The following TBCD variants were observed in gnomAD, a reference collection of about 807,000 sequenced individuals.
The protein encoded by TBCD is tubulin folding cofactor D, also known as tubulin-specific chaperone D.
TBCD carries 105 observed loss-of-function variants against 169.3 expected under a neutral mutation model. That is an observed-to-expected ratio of 0.62 (90% CI 0.53 to 0.73). The LOEUF (loss-of-function observed/expected upper bound fraction) is 0.73. TBCD is among the 30% of genes least tolerant of loss of function. The pLI is 0.00. For synonymous variants in TBCD, 700 were observed against 643.9 expected, an observed-to-expected ratio of 1.09 and a Z score of -1.32; for missense variants, 1,444 against 1,600.1, an observed-to-expected ratio of 0.90 and a Z score of 1.66.
intron 5 of TBCD, among the ~76,000 whole-genome samples, chr17:82,771,948 C>T (rs2048333627): frequency 6.6e-6 from 1 of 151,212 alleles, no homozygotes; most frequent in Non-Finnish European, 1.5e-5. Flanking sequence ...AAAACAAAAA[C>T]AAAAAATATA....
At position 82,937,252 on chromosome 17, in the gene TBCD, G is replaced by A; in HGVS notation, c.3192-19G>A. 1 of 1,612,550 alleles carries A rather than the reference G, an allele frequency of 6.2e-7. No individual in the cohort carries two copies. The highest frequency in any genetic ancestry group is 8.5e-7 in the Non-Finnish European group (1 of 1,178,532). The stretch of plus-strand genomic sequence containing the variant: ...CTGCCTGTGAAAGCTCATCTCTAAA[G>A]TGTGTGTTGTTCTTCCAGCCACCCC... On this transcript the variant is annotated intron_variant, in intron 34 of 38. Coordinates refer to ENST00000355528, the MANE Select transcript of TBCD (RefSeq NM_005993.5).
chr17:82,917,553 G>T (rs9899957), intron 23 of TBCD, among the ~76,000 whole-genome samples: 99,813 of 152,066 alleles, frequency 0.66, 33,619 homozygotes, highest in East Asian at 0.79. Flanking sequence ...AACAAGACAT[G>T]ACAGAAATGC....
intron 23 of TBCD, among the ~76,000 whole-genome samples, chr17:82,914,361 G>A (rs556582021): frequency 2.6e-5 from 4 of 152,288 alleles, no homozygotes; most frequent in East Asian, 3.9e-4. Flanking sequence ...TCTGGGGCAC[G>A]TGTGCTGTTG....
rs2062154308 is a variant in TBCD at position 82,930,996 on chromosome 17, C to T, written c.3113+353C>T. Among the ~76,000 whole-genome samples, 5 of 152,202 alleles carry T rather than the reference C, an allele frequency of 3.3e-5. No individual in the cohort carries two copies. Among genetic ancestry groups the T allele is most frequent in the Admixed American group, 3.3e-4 (5 of 15,284 alleles). The stretch of plus-strand genomic sequence containing the variant: ...GTGCTCCCACGGACGTGCTTGCGGA[C>T]GCTCATCAGCCACCCGGCAAGTGAG... On this transcript the variant is annotated intron_variant, in intron 33 of 38. Coordinates refer to ENST00000355528, the MANE Select transcript of TBCD (RefSeq NM_005993.5). This position sits in a 1 kb window ranked among gnomAD's most constrained non-coding sequence, Gnocchi z 5.2.
Position 82,833,884 on chromosome 17 carries a change from C to A in TBCD, c.1318+18950C>A, listed in dbSNP as rs1025036574. On this transcript the variant is annotated intron_variant, in intron 13 of 38. Transcript: ENST00000355528. This position sits in a 1 kb window ranked among gnomAD's most constrained non-coding sequence, Gnocchi z 4.7. Reference sequence around the variant, plus strand: ...ATTCTTCCAGAGGGTCTCTGTGTCCCCCTTACCAGCCTCAGGTTTCCTTCA... The same window carrying A: ...ATTCTTCCAGAGGGTCTCTGTGTCCACCTTACCAGCCTCAGGTTTCCTTCA... Among the ~76,000 whole-genome samples the A allele has an allele frequency of 6.6e-6, 1 of 152,114 alleles. No homozygotes were observed. The highest frequency in any genetic ancestry group is 1.5e-5 in the Non-Finnish European group (1 of 68,036).
Position 82,832,557 on chromosome 17 carries a change from C to T in TBCD, c.1318+17623C>T. 9.5e-7 allele frequency: 1 copy of T among 1,049,582 alleles called. No homozygotes were observed. Among genetic ancestry groups the T allele is most frequent in the Non-Finnish European group, 1.4e-6 (1 of 694,530 alleles). The allele number at this position is 1,049,582 out of a possible 1,614,324, so 65.0% of individuals were successfully genotyped here. ...AAAGAGGCACCTCCCGCTTTGCTTTCTTTCCCGATCACTTCTATCAGAAGC... is the reference window on the plus strand; with the variant it reads ...AAAGAGGCACCTCCCGCTTTGCTTTTTTTCCCGATCACTTCTATCAGAAGC... On this transcript the variant is annotated intron_variant, in intron 13 of 38. Transcript: ENST00000355528. This position sits in a 1 kb window ranked among gnomAD's most constrained non-coding sequence, Gnocchi z 4.9.
Position 82,932,728 on chromosome 17 carries a change from G to A in TBCD, c.3184G>A (p.Glu1062Lys). ...THGCFDIFTT[E>K]EDHPFAVKLL... ...CGGCTGCTTCGACATCTTCACCACG[G>A]AGGAGGAGTGAGGCTCTGCTTTTCA... The change falls in exon 34 of 39, where the codon GAG (glutamate) becomes AAG (lysine). Residue 1062 changes from glutamate (E) to lysine (K), a missense_variant. Transcript: ENST00000355528. The A allele has an allele frequency of 6.2e-7, 1 of 1,613,792 alleles. No homozygotes were observed. The highest frequency in any genetic ancestry group is 8.5e-7 in the Non-Finnish European group (1 of 1,179,808).
At position 82,832,439 on chromosome 17, in the gene TBCD, C is replaced by T. The variant is rs1322591027; in HGVS notation, c.1318+17505C>T. On this transcript the variant is annotated intron_variant, in intron 13 of 38. Coordinates refer to ENST00000355528, the MANE Select transcript of TBCD (RefSeq NM_005993.5). The surrounding 1 kb of genome is among the most constrained non-coding windows in gnomAD (Gnocchi z 4.9). ...TAATGTGGCTTTTTTGGCTTCCGCT[C>T]TTTGAGGAGACTCATTTTCCTCCTT... 2 of 1,612,018 alleles carry T rather than the reference C, an allele frequency of 1.2e-6. No homozygotes were observed. The highest frequency in any genetic ancestry group is 1.7e-6 in the Non-Finnish European group (2 of 1,180,018).
rs1230111229 is a variant in TBCD at position 82,903,751 on chromosome 17, T to A, written c.1804+273T>A. On this transcript the variant is annotated intron_variant, in intron 19 of 38. Transcript: ENST00000355528. The surrounding 1 kb of genome is among the most constrained non-coding windows in gnomAD (Gnocchi z 4.8). ...CGGATGCCTGACATGCAGTGCTGCT[T>A]CCCTGGTCTCTAGGTGGCTCGCACC... Among the ~76,000 whole-genome samples the A allele has an allele frequency of 6.6e-6, 1 of 151,920 alleles. No individual in the cohort carries two copies. The highest frequency in any genetic ancestry group is 1.5e-5 in the Non-Finnish European group (1 of 67,978).
In TBCD at chr17:82,926,377, T is replaced by C. The variant is rs1335441535; in HGVS notation, c.2380-23T>C. On this transcript the variant is annotated intron_variant, in intron 27 of 38. Coordinates refer to ENST00000355528, the MANE Select transcript of TBCD (RefSeq NM_005993.5). ...ACTTTGTTATAGCTTATGGTTCTTCTGTGATTCTTTATTGCTTTCCAGGTT... is the reference window on the plus strand; with the variant it reads ...ACTTTGTTATAGCTTATGGTTCTTCCGTGATTCTTTATTGCTTTCCAGGTT... 10 of 1,610,220 alleles carry C rather than the reference T, an allele frequency of 6.2e-6. No individual in the cohort carries two copies. In the East Asian group the frequency reaches 2.0e-4, roughly 32 times the overall value.
In TBCD at chr17:82,864,478, G is replaced by C. The variant is rs2034961; in HGVS notation, c.1319-5746G>C. 2 of 152,188 alleles carry C rather than the reference G, an allele frequency of 1.3e-5. No homozygotes were observed. The highest frequency in any genetic ancestry group is 3.9e-4 in the East Asian group (2 of 5,182). The allele number at this position is 152,188 out of a possible 1,614,324, so 9.4% of individuals were successfully genotyped here. A position where few individuals can be genotyped will look rare whatever the true frequency, so the allele number is the denominator to read the frequency against. On this transcript the variant is annotated intron_variant, in intron 13 of 38. Transcript: ENST00000355528. The surrounding 1 kb of genome is among the most constrained non-coding windows in gnomAD (Gnocchi z 6.3). Reference sequence around the variant, plus strand: ...TGGGTGACCCGGGCTCTGTGTCTTCGTGTTGGCCAGGGTGTGTCATACACC... The same window carrying C: ...TGGGTGACCCGGGCTCTGTGTCTTCCTGTTGGCCAGGGTGTGTCATACACC...
At chr17:82,926,188 ACTGGGGG>A (rs1435358413) in intron 27 of TBCD, among the ~76,000 whole-genome samples, 12 of 134,608 alleles carry the variant, frequency 8.9e-5, no homozygotes, top group Non-Finnish European at 1.9e-4. Context: ...CCTGGGTTGT[ACTGGGGG>A]CCGTGGAGAG....
chr17:82,815,591 GTGTT>G (rs1486356343), intron 13 of TBCD, among the ~76,000 whole-genome samples: 3 of 152,268 alleles, frequency 2.0e-5, no homozygotes, highest in African/African-American at 7.2e-5. Context: ...AGCCCTGTCT[GTGTT>G]TGGTGGGGAG....
chr17:82,804,667 A>G lies in TBCD; in HGVS notation c.951-1208A>G, dbSNP rs1194885202. Reference sequence around the variant, plus strand: ...TCCGCAGGGCAGTGCACAGCATGGTAGCTGGCTTCATTGGAGGCTGAGAGG... The same window carrying G: ...TCCGCAGGGCAGTGCACAGCATGGTGGCTGGCTTCATTGGAGGCTGAGAGG... On this transcript the variant is annotated intron_variant, in intron 9 of 38. Transcript: ENST00000355528. Among the ~76,000 whole-genome samples the G allele has an allele frequency of 2.6e-5, 4 of 152,198 alleles. No individual in the cohort carries two copies. In the East Asian group the frequency reaches 7.7e-4, roughly 29 times the overall value.
At chr17:82,856,791 C>T (rs2056330278) in intron 13 of TBCD, among the ~76,000 whole-genome samples, 4 of 141,844 alleles carry the variant, frequency 2.8e-5, no homozygotes, top group Admixed American at 2.8e-4. Context: ...CGTGCGGACC[C>T]TCGCTGCGCA....
chr17:82,791,249 G>A (rs1010509550), intron 7 of TBCD, among the ~76,000 whole-genome samples: 1 of 151,962 alleles, frequency 6.6e-6, no homozygotes, highest in Non-Finnish European at 1.5e-5. Flanking sequence ...CCTCCACCAC[G>A]CCTGGCTAAT....
chr17:82,827,458 T>C (rs2145161644), intron 13 of TBCD, among the ~76,000 whole-genome samples: 1 of 152,308 alleles, frequency 6.6e-6, no homozygotes, highest in African/African-American at 2.4e-5. Flanking sequence ...GCTCCGGAAG[T>C]CTACGCTCCT....
chr17:82,798,532 G>A (rs2050273800), intron 8 of TBCD, among the ~76,000 whole-genome samples: 1 of 152,054 alleles, frequency 6.6e-6, no homozygotes, highest in Non-Finnish European at 1.5e-5. Context: ...TGCCTGCCTC[G>A]GCCTCCCAAA....
In TBCD at chr17:82,806,983, CT is replaced by C. The variant is rs1264920828; in HGVS notation, c.1088-624del. Among the ~76,000 whole-genome samples, 3 of 152,244 alleles carry C rather than the reference CT, an allele frequency of 2.0e-5. No individual in the cohort carries two copies. Among genetic ancestry groups the C allele is most frequent in the Non-Finnish European group, 2.9e-5 (2 of 68,026 alleles). ...TCCCACCCGCTGCAGGCAGTCCCCC[CT>C]GCCCGCATTCCAGCTGCTGTGCTGG... On this transcript the variant is annotated intron_variant, in intron 10 of 38. Transcript: ENST00000355528. The surrounding 1 kb of genome is among the most constrained non-coding windows in gnomAD (Gnocchi z 5.1).
Sources: allele counts gnomAD v4.1 joint callset (sites outside exome capture counted in the v4.1 genomes callset), GRCh38; gene constraint gnomAD v4.1.1; non-coding constraint Gnocchi (gnomAD v3.1); transcripts MANE v1.5; gene names NCBI Gene and HGNC (gene_info 2026-07-23, HGNC 2026-07-21).